The following C2orf74 variants were observed in gnomAD, a reference collection of about 807,000 sequenced individuals.
C2orf74 encodes the protein uncharacterized protein C2orf74.
C2orf74 carries 14 observed loss-of-function variants against 17.9 expected under a neutral mutation model. The ratio of observed to expected loss-of-function variants is 0.78; its 90% confidence interval spans 0.52 to 1.22. The LOEUF is 1.22. Ranked by LOEUF, C2orf74 falls within the 50% of genes most tolerant of loss-of-function variation. The pLI is 0.00. For synonymous variants in C2orf74, 79 were observed against 72.6 expected (o/e 1.09, Z -0.44); for missense variants, 217 against 218.4 (o/e 0.99, Z 0.04).
At chr2:61,157,636 T>G (rs1685430755), upstream of C2orf74, among the ~76,000 whole-genome samples, 2 of 152,174 alleles carry the variant, frequency 1.3e-5, no homozygotes, top group South Asian at 4.1e-4. Flanking sequence ...CTCCATACTC[T>G]CAGCCCTGCT....
At chr2:61,160,310 GC>G (rs1397323764), upstream of C2orf74, among the ~76,000 whole-genome samples, 1 of 152,012 alleles carries the variant, frequency 6.6e-6, no homozygotes, top group Admixed American at 6.6e-5. Flanking sequence ...ACGGGCACCT[GC>G]CCCCACGCCT....
intron 1 of C2orf74, among the ~76,000 whole-genome samples, chr2:61,146,220 C>G (rs1472167524): frequency 6.6e-6 from 1 of 152,156 alleles, no homozygotes; most frequent in East Asian, 1.9e-4. Flanking sequence ...GGAATCAGTT[C>G]CCAACATACT....
chr2:61,160,404 C>T (rs982099221), upstream of C2orf74, among the ~76,000 whole-genome samples: 7 of 152,206 alleles, frequency 4.6e-5, no homozygotes, highest in Non-Finnish European at 1.0e-4. Context: ...GTGATCCACC[C>T]GCCTCAGCCT....
intron 1 of C2orf74, among the ~76,000 whole-genome samples, chr2:61,152,650 A>C (rs1248734165): frequency 2.6e-5 from 4 of 151,510 alleles, no homozygotes; most frequent in Non-Finnish European, 5.9e-5. Flanking sequence ...GGAGTTCGAG[A>C]TCAGCCTGGG....
At chr2:61,159,359 C>G (rs1399773067), upstream of C2orf74, 1 of 348,366 alleles carries the variant, frequency 2.9e-6, no homozygotes. Context: ...TGCAGTGGCA[C>G]GATCTCAGCT....
At chr2:61,162,370 C>T (rs1366744688) in intron 1 of C2orf74, 46 bp from the exon 2 acceptor site, 1 of 660,202 alleles carries the variant, frequency 1.5e-6, no homozygotes, top group Non-Finnish European at 2.6e-6. Flanking sequence ...GCTGAACTGA[C>T]CAAAAGAACA....
intron 1 of C2orf74, among the ~76,000 whole-genome samples, chr2:61,146,284 A>G (rs996198454): frequency 6.6e-6 from 1 of 152,216 alleles, no homozygotes; most frequent in South Asian, 2.1e-4. Flanking sequence ...CCAGGTGCCA[A>G]ACAGTGTATA....
rs552071666 is a variant in C2orf74 at position 61,150,346 on chromosome 2, G to T, written c.-122+5150G>T. Among the ~76,000 whole-genome samples the T allele has an allele frequency of 3.9e-5, 6 of 152,332 alleles. No individual in the cohort carries two copies. The East Asian group carries it at 1.2e-3, about 29-fold the overall frequency. On this transcript the variant is annotated intron_variant, in intron 1 of 3. Coordinates refer to the C2orf74 transcript ENST00000426997. Reference sequence around the variant, plus strand: ...AACACTAAGAGCACCTCCAGCAAGAGTATAGCTGGCATTACTGTATAAACT... The same window carrying T: ...AACACTAAGAGCACCTCCAGCAAGATTATAGCTGGCATTACTGTATAAACT...
intron 1 of C2orf74, among the ~76,000 whole-genome samples, chr2:61,146,090 G>A (rs1014815988): frequency 2.0e-5 from 3 of 152,206 alleles, no homozygotes; most frequent in African/African-American, 7.2e-5. Context: ...ATATGTGTAT[G>A]AGATTATTGA....
rs1223016632 is a variant in C2orf74 at position 61,163,245 on chromosome 2, TC to T, written c.390+14del. Reference sequence around the variant, plus strand: ...TGGTCAAGAAGAGGTGATGTGTTTTTCTACTCTCAAAGAGCAGTTTAGAATT... The same window carrying T: ...TGGTCAAGAAGAGGTGATGTGTTTTTTACTCTCAAAGAGCAGTTTAGAATT... On this transcript the variant is annotated intron_variant, in intron 4 of 4. Transcript: ENST00000432605. 1 of 1,548,096 alleles carries T rather than the reference TC, an allele frequency of 6.5e-7. No homozygotes were observed. Among genetic ancestry groups the T allele is most frequent in the Non-Finnish European group, 8.7e-7 (1 of 1,145,768 alleles).
At chr2:61,156,950 T>C (rs1685409390) in intron 1 of C2orf74, among the ~76,000 whole-genome samples, 1 of 152,120 alleles carries the variant, frequency 6.6e-6, no homozygotes, top group African/African-American at 2.4e-5. Context: ...TGCAGACCAA[T>C]GACAATTTAG....
At chr2:61,155,702 A>G (rs1292167287) in intron 1 of C2orf74, among the ~76,000 whole-genome samples, 1 of 151,758 alleles carries the variant, frequency 6.6e-6, no homozygotes, top group East Asian at 1.9e-4. Context: ...TTGTATTTTT[A>G]GTAGAGATGG....
intron 1 of C2orf74, among the ~76,000 whole-genome samples, chr2:61,155,040 G>C (rs975303068): frequency 4.6e-5 from 7 of 152,082 alleles, no homozygotes; most frequent in Non-Finnish European, 8.8e-5. Flanking sequence ...ACTCCAGCCT[G>C]GGCAACACAT....
Position 61,164,531 on chromosome 2 carries a change from T to C in C2orf74, c.*4T>C, listed in dbSNP as rs1685672932. ...AGAACATAAAGAGAGGAAATGAAGC[T>C]CAAAAAAGGGTAAGAGTGAAAGAAA... On this transcript the variant is annotated 3_prime_UTR_variant, in exon 5 of 5. Transcript: ENST00000432605. The C allele has an allele frequency of 2.0e-6, 3 of 1,502,170 alleles. No individual in the cohort carries two copies. The highest frequency in any genetic ancestry group is 2.7e-6 in the Non-Finnish European group (3 of 1,126,046). 93.1% of individuals were successfully genotyped at this position (1,502,170 alleles called of 1,614,324 possible).
chr2:61,149,452 C>T (rs922558643), intron 1 of C2orf74, among the ~76,000 whole-genome samples: 2 of 152,188 alleles, frequency 1.3e-5, no homozygotes, highest in South Asian at 2.1e-4. Context: ...AAACTTTTGG[C>T]CCTTCTCTGT....
At chr2:61,154,983 T>G (rs1306991356) in intron 1 of C2orf74, among the ~76,000 whole-genome samples, 1 of 152,018 alleles carries the variant, frequency 6.6e-6, no homozygotes, top group African/African-American at 2.4e-5. Flanking sequence ...GAGAATTGCT[T>G]GAACCTGGGA....
At chr2:61,157,497 A>G (rs897396742), upstream of C2orf74, among the ~76,000 whole-genome samples, 4 of 152,166 alleles carry the variant, frequency 2.6e-5, no homozygotes, top group Admixed American at 6.5e-5. Flanking sequence ...ATGAACCCCA[A>G]TTAAACCAGC....
chr2:61,150,037 C>T (rs1316290922), intron 1 of C2orf74, among the ~76,000 whole-genome samples: 5 of 152,180 alleles, frequency 3.3e-5, no homozygotes, highest in African/African-American at 1.2e-4. Context: ...GGTCATGTTG[C>T]ATAATACTGG....
rs2103654276 is a variant in C2orf74 at position 61,164,655 on chromosome 2, T to C, written c.*128T>C. 1.2e-6 allele frequency: 1 copy of C among 831,864 alleles called. No homozygotes were observed. The highest frequency in any genetic ancestry group is 2.9e-5 in the South Asian group (1 of 35,070). 51.5% of individuals were successfully genotyped at this position (831,864 alleles called of 1,614,324 possible). On this transcript the variant is annotated 3_prime_UTR_variant, in exon 5 of 5. Transcript: ENST00000432605. ...AGCAAATAAAGATATTATTTTACCT[T>C]TGTGCAGAAAGGAGTGAGCCATGTG...
Sources: allele counts gnomAD v4.1 joint callset (sites outside exome capture counted in the v4.1 genomes callset), GRCh38; gene constraint gnomAD v4.1.1; transcripts MANE v1.5; gene names NCBI Gene and HGNC (gene_info 2026-07-23, HGNC 2026-07-21).